ELF2: variants seen among roughly 807,000 people sequenced by gnomAD.
ELF2 encodes E74 like ETS transcription factor 2.
A neutral mutation model predicts 54.8 loss-of-function variants in ELF2; 11 were observed. That is an observed-to-expected ratio of 0.20 (90% CI 0.13 to 0.33). ELF2 has a LOEUF of 0.33. Among genes scored for constraint, ELF2 ranks in the 10% least tolerant of loss-of-function variants. The probability of loss-of-function intolerance (pLI) is 1.00; values close to 1 mark genes in which losing one functional copy is unlikely to be tolerated. For synonymous variants in ELF2, 203 were observed against 245.1 expected (o/e 0.83, Z 1.61); for missense variants, 513 against 703.0 (o/e 0.73, Z 3.06).
chr4:139,168,060 ACT>A (rs1313720837), intron 1 of ELF2, among the ~76,000 whole-genome samples: 2 of 152,070 alleles, frequency 1.3e-5, no homozygotes, highest in African/African-American at 2.4e-5. Context: ...AATTATTCAC[ACT>A]CTGCTTTAAT....
At chr4:139,169,005 A>T (rs1208352136) in intron 1 of ELF2, among the ~76,000 whole-genome samples, 3 of 151,674 alleles carry the variant, frequency 2.0e-5, no homozygotes, top group Non-Finnish European at 4.4e-5. Context: ...ATACCTGATT[A>T]AAAAAAAATA....
In ELF2 at chr4:139,177,067, G is replaced by A. The variant is rs1401415834; in HGVS notation, c.-352C>T. 1.3e-5 allele frequency: 2 copies of A among 152,254 alleles called. No individual in the cohort carries two copies. Among genetic ancestry groups the A allele is most frequent in the African/African-American group, 4.8e-5 (2 of 41,410 alleles). 9.4% of individuals were successfully genotyped at this position (152,254 alleles called of 1,614,324 possible). On this transcript the variant is annotated 5_prime_UTR_variant, in exon 1 of 10. Coordinates refer to ENST00000686138, the MANE Select transcript of ELF2 (RefSeq NM_001331036.3). ...TGGCCGAGCGTCCGGAGGGAGCCGG[G>A]GCCTCCCCAGCAGCCCGAGCCGCTC...
At chr4:139,160,953 A>C (rs557270067) in intron 1 of ELF2, among the ~76,000 whole-genome samples, 1 of 152,202 alleles carries the variant, frequency 6.6e-6, no homozygotes. Context: ...ACAGAGTGAG[A>C]CTCCATCTCA....
intron 1 of ELF2, among the ~76,000 whole-genome samples, chr4:139,171,453 C>T (rs946269834): frequency 2.6e-5 from 4 of 151,976 alleles, no homozygotes; most frequent in Admixed American, 6.6e-5. Context: ...TCAAGGTCAT[C>T]GCCAAGGTCT....
intron 5 of ELF2, 40 bp from the exon 6 acceptor site, chr4:139,072,079 A>G (rs1560769406): frequency 1.3e-6 from 2 of 1,590,862 alleles, no homozygotes; most frequent in Admixed American, 3.5e-5. Flanking sequence ...TCCCACCCCC[A>G]TCAATGTTTC....
chr4:139,153,571 A>G (rs1052506427), intron 1 of ELF2, among the ~76,000 whole-genome samples: 2 of 152,240 alleles, frequency 1.3e-5, no homozygotes, highest in Non-Finnish European at 2.9e-5. Context: ...GTTCCTAAAT[A>G]GATAGCTGCA....
At chr4:139,137,486 T>G (rs1354791919) in intron 3 of ELF2, 144 bp downstream of exon 3, 1 of 789,076 alleles carries the variant, frequency 1.3e-6, no homozygotes, top group Non-Finnish European at 2.0e-6. Flanking sequence ...TTACCTAAAT[T>G]ATATAAGGAT....
At chr4:139,177,561 G>A (rs1743101736), upstream of ELF2, among the ~76,000 whole-genome samples, 1 of 152,054 alleles carries the variant, frequency 6.6e-6, no homozygotes, top group Non-Finnish European at 1.5e-5. Context: ...AAAGACGCTC[G>A]TCACTTGTCC....
In ELF2 at chr4:139,084,019, G is replaced by A. The variant is rs1375890846; in HGVS notation, c.239-10452C>T. ...CTTTCCCCCAGCCGCCCCAGTGACT[G>A]TGAGGTGGACACTGTACCCCCAGCA... On this transcript the variant is annotated intron_variant, in intron 4 of 9. Transcript: ENST00000686138. 1.9e-6 allele frequency: 3 copies of A among 1,543,482 alleles called. No homozygotes were observed. The African/African-American group carries it at 4.1e-5, about 21-fold the overall frequency.
intron 1 of ELF2, among the ~76,000 whole-genome samples, chr4:139,147,299 A>T (rs886249080): frequency 1.3e-5 from 2 of 152,256 alleles, no homozygotes; most frequent in African/African-American, 4.8e-5. Context: ...CAATATCACT[A>T]ATCATTCAGG....
chr4:139,084,450 CGGCGGCGGCGGCTGTGGCTGT>C (rs1325882975), intron 4 of ELF2: 61 of 1,147,150 alleles, frequency 5.3e-5, no homozygotes, highest in Non-Finnish European at 6.4e-5. Context: ...GCGGCGGCGG[CGGCGGCGGCGGCTGTGGCTGT>C]GGCGGCCGCC....
At chr4:139,137,964 T>A in intron 2 of ELF2, 97 bp from the exon 3 acceptor site, 1 of 860,036 alleles carries the variant, frequency 1.2e-6, no homozygotes, top group Non-Finnish European at 1.6e-6. Context: ...AACACTTAAC[T>A]AAGAAAAAGA....
At chr4:139,109,659 C>G (rs962131068) in intron 4 of ELF2, among the ~76,000 whole-genome samples, 2 of 152,160 alleles carry the variant, frequency 1.3e-5, no homozygotes, top group South Asian at 4.1e-4. Context: ...TTTTTCACAG[C>G]CATAAAAAGG....
intron 1 of ELF2, among the ~76,000 whole-genome samples, chr4:139,172,482 C>T (rs961919341): frequency 4.6e-5 from 7 of 152,162 alleles, no homozygotes; most frequent in Non-Finnish European, 7.3e-5. Flanking sequence ...CACTTAGTGG[C>T]CATCTCAGCT....
chr4:139,153,888 T>C (rs1042918457), intron 1 of ELF2, among the ~76,000 whole-genome samples: 2 of 152,204 alleles, frequency 1.3e-5, no homozygotes, highest in African/African-American at 4.8e-5. Flanking sequence ...CCTTTTCACA[T>C]GCAACATGTG....
At chr4:139,088,284 TAAAAAAAAAA>T (rs10713739) in intron 4 of ELF2, among the ~76,000 whole-genome samples, 4 of 112,280 alleles carry the variant, frequency 3.6e-5, no homozygotes, top group African/African-American at 6.9e-5. Context: ...AGACTCTGTC[TAAAAAAAAAA>T]AAAAAAAAAA....
chr4:139,125,028 G>T, intron 4 of ELF2, 136 bp downstream of exon 4: 1 of 1,012,688 alleles, frequency 9.9e-7, no homozygotes, highest in Non-Finnish European at 1.4e-6. Context: ...CTTAAACATA[G>T]ATGTTTCACT....
chr4:139,058,881 A>G lies in ELF2; in HGVS notation c.*102T>C. The stretch of plus-strand genomic sequence containing the variant: ...TGATTGTTTTTGTATATGCATTAAA[A>G]ATGTTTTAAAGTCTTCTTTGACTTT... On this transcript the variant is annotated 3_prime_UTR_variant, in exon 10 of 10. Transcript: ENST00000686138. 1 of 1,476,176 alleles carries G rather than the reference A, an allele frequency of 6.8e-7. No individual in the cohort carries two copies. Among genetic ancestry groups the G allele is most frequent in the Non-Finnish European group, 9.0e-7 (1 of 1,107,690 alleles). 91.4% of individuals were successfully genotyped at this position (1,476,176 alleles called of 1,614,324 possible).
At chr4:139,136,098 G>A (rs1738124769) in intron 3 of ELF2, among the ~76,000 whole-genome samples, 1 of 152,118 alleles carries the variant, frequency 6.6e-6, no homozygotes, top group African/African-American at 2.4e-5. Flanking sequence ...GGAAAAAGCA[G>A]TATTTGGTCT....
Sources: gnomAD v4.1 joint callset for allele counts (sites outside exome capture counted in the v4.1 genomes callset) on GRCh38, gnomAD v4.1.1 for gene constraint, MANE v1.5 for transcripts, NCBI Gene and HGNC (gene_info 2026-07-23, HGNC 2026-07-21) for gene names.